Variants in FSHR observed in about 807,000 individuals in gnomAD.
FSHR encodes the protein follicle stimulating hormone receptor.
FSHR carries 46 observed loss-of-function variants against 52.1 expected under a neutral mutation model. The ratio of observed to expected loss-of-function variants is 0.88; its 90% CI spans 0.70 to 1.13. The LOEUF is 1.13. Among genes scored for constraint, FSHR ranks in the 50% most tolerant of loss-of-function variants. The probability of loss-of-function intolerance (pLI) is 0.00; values close to 1 mark genes in which losing one functional copy is unlikely to be tolerated. For synonymous variants in FSHR, 399 were observed against 309.6 expected, an observed-to-expected ratio of 1.29 and a Z score of -3.03; for missense variants, 964 against 834.6, an observed-to-expected ratio of 1.16 and a Z score of -1.91.
intron 2 of FSHR, among the ~76,000 whole-genome samples, chr2:49,021,886 T>TATATAGAGAG (rs1273265515): frequency 1.2e-3 from 31 of 25,108 alleles, no homozygotes; most frequent in Admixed American, 1.7e-3. Context: ...TATATATATA[T>TATATAGAGAG]AGAGAGAGAG....
intron 1 of FSHR, among the ~76,000 whole-genome samples, chr2:49,103,590 T>A (rs1034100458): frequency 2.0e-5 from 3 of 152,096 alleles, no homozygotes; most frequent in African/African-American, 7.2e-5. Context: ...TGAGATGGCA[T>A]CCCTACAGAA....
At chr2:49,025,978 G>A (rs1017848242) in intron 2 of FSHR, among the ~76,000 whole-genome samples, 1 of 152,138 alleles carries the variant, frequency 6.6e-6, no homozygotes, top group African/African-American at 2.4e-5. Flanking sequence ...GACATGTCAG[G>A]GTGTGGTGAG....
intron 4 of FSHR, chr2:49,014,691 A>G: frequency 4.0e-6 from 1 of 251,940 alleles, no homozygotes; most frequent in East Asian, 1.2e-4. Flanking sequence ...CTCATTTCTC[A>G]TTTACCTGTT....
intron 2 of FSHR, among the ~76,000 whole-genome samples, chr2:49,048,349 A>G (rs1028033710): frequency 2.0e-5 from 3 of 152,226 alleles, no homozygotes; most frequent in Non-Finnish European, 4.4e-5. Flanking sequence ...ATCAAGAGGT[A>G]GAGACTGCAA....
intron 2 of FSHR, among the ~76,000 whole-genome samples, chr2:49,059,226 TAAAAC>T (rs1054627019): frequency 2.0e-5 from 3 of 150,676 alleles, no homozygotes; most frequent in Non-Finnish European, 3.0e-5. Flanking sequence ...AATAATAAAA[TAAAAC>T]AGCCAACAAC....
intron 4 of FSHR, among the ~76,000 whole-genome samples, chr2:49,000,874 T>G (rs2104143802): frequency 6.6e-6 from 1 of 152,194 alleles, no homozygotes; most frequent in South Asian, 2.1e-4. Context: ...AGAACACTGC[T>G]AACTGAAAAG....
intron 1 of FSHR, among the ~76,000 whole-genome samples, chr2:49,131,679 C>T (rs1378542724): frequency 6.6e-6 from 1 of 152,050 alleles, no homozygotes; most frequent in African/African-American, 2.4e-5. Flanking sequence ...CTACCCTCTC[C>T]CCTACTCAAG....
intron 1 of FSHR, among the ~76,000 whole-genome samples, chr2:49,109,398 G>A (rs528746719): frequency 2.6e-5 from 4 of 152,274 alleles, no homozygotes; most frequent in African/African-American, 9.6e-5. Context: ...TCTGGGTTGG[G>A]GAGAGAGGAG....
At chr2:49,083,927 A>G (rs2103664750) in intron 1 of FSHR, among the ~76,000 whole-genome samples, 1 of 151,806 alleles carries the variant, frequency 6.6e-6, no homozygotes, top group African/African-American at 2.4e-5. Flanking sequence ...TCAACATTAG[A>G]CAGATCAACG....
intron 4 of FSHR, among the ~76,000 whole-genome samples, chr2:48,995,256 A>C (rs1345138832): frequency 6.6e-6 from 1 of 152,148 alleles, no homozygotes; most frequent in Non-Finnish European, 1.5e-5. Flanking sequence ...AGTTAAGACT[A>C]GCACAGGTGA....
At chr2:49,055,998 G>A (rs1313134158) in intron 2 of FSHR, among the ~76,000 whole-genome samples, 2 of 151,670 alleles carry the variant, frequency 1.3e-5, no homozygotes, top group Admixed American at 6.6e-5. Context: ...GATACACAAA[G>A]GACAAAGAGA....
chr2:49,073,566 A>C (rs1357712141), intron 1 of FSHR, among the ~76,000 whole-genome samples: 1 of 152,122 alleles, frequency 6.6e-6, no homozygotes, highest in Admixed American at 6.6e-5. Flanking sequence ...AAATGTAAAG[A>C]CATCCCATGT....
rs1199800836 is a variant in FSHR at position 49,022,197 on chromosome 2, T to C, written c.225-2037A>G. Among the ~76,000 whole-genome samples, 2 of 152,086 alleles carry C rather than the reference T, an allele frequency of 1.3e-5. 1 individual carries two copies. The highest frequency in any genetic ancestry group is 3.9e-4 in the East Asian group (2 of 5,144). On this transcript the variant is annotated intron_variant, in intron 2 of 9. Coordinates refer to ENST00000406846, the MANE Select transcript of FSHR (RefSeq NM_000145.4). ...AGTTAGCAGTACATTTGGTCACCACTCGTAGAGACATATGTCCTTGCCGAA... is the reference window on the plus strand; with the variant it reads ...AGTTAGCAGTACATTTGGTCACCACCCGTAGAGACATATGTCCTTGCCGAA...
At chr2:49,071,577 A>G (rs1343730709) in intron 1 of FSHR, among the ~76,000 whole-genome samples, 1 of 152,224 alleles carries the variant, frequency 6.6e-6, no homozygotes, top group Non-Finnish European at 1.5e-5. Context: ...TAGTGAATGA[A>G]GAAATTAGTG....
At chr2:49,103,414 C>G (rs1671105556) in intron 1 of FSHR, among the ~76,000 whole-genome samples, 1 of 152,140 alleles carries the variant, frequency 6.6e-6, no homozygotes, top group Non-Finnish European at 1.5e-5. Flanking sequence ...AACGTAAGGC[C>G]TATTTCAGGT....
At chr2:49,048,416 C>T (rs2104296603) in intron 2 of FSHR, among the ~76,000 whole-genome samples, 1 of 152,238 alleles carries the variant, frequency 6.6e-6, no homozygotes, top group East Asian at 1.9e-4. Context: ...GTGCTAGGTG[C>T]TTTCGAGGAA....
At chr2:49,130,173 G>T (rs1431860891) in intron 1 of FSHR, among the ~76,000 whole-genome samples, 1 of 152,108 alleles carries the variant, frequency 6.6e-6, no homozygotes, top group African/African-American at 2.4e-5. Flanking sequence ...GATAATAGAG[G>T]GGTCTGCCCT....
At chr2:49,150,283 G>C (rs1295911366) in intron 1 of FSHR, among the ~76,000 whole-genome samples, 1 of 152,036 alleles carries the variant, frequency 6.6e-6, no homozygotes, top group Non-Finnish European at 1.5e-5. Flanking sequence ...TTAAGTGCTA[G>C]ATACCCTGGG....
chr2:49,066,122 AATGTAGGC>A lies in FSHR; in HGVS notation c.224+2089_224+2096del, dbSNP rs543817667. On this transcript the variant is annotated intron_variant, in intron 2 of 9. Coordinates refer to ENST00000406846, the MANE Select transcript of FSHR (RefSeq NM_000145.4). ...GAAAAGAAAGGATAGAGAGGCAGTG[AATGTAGGC>A]AACTCTTTCAACACAGTGGTCTTGA... Among the ~76,000 whole-genome samples the A allele has an allele frequency of 1.2e-4, 18 of 152,270 alleles. No individual in the cohort carries two copies. The East Asian group carries it at 3.1e-3, about 26-fold the overall frequency.
Sources: gnomAD v4.1 joint callset for allele counts (sites outside exome capture counted in the v4.1 genomes callset) on GRCh38, gnomAD v4.1.1 for gene constraint, MANE v1.5 for transcripts, NCBI Gene and HGNC (gene_info 2026-07-23, HGNC 2026-07-21) for gene names.